The following PRMT3 variants were observed in gnomAD, a reference collection of about 807,000 sequenced individuals.
PRMT3 encodes protein arginine methyltransferase 3.
A neutral mutation model predicts 71.9 loss-of-function variants in PRMT3; 62 were observed. The observed-to-expected ratio is 0.86, with a 90% CI of 0.70 to 1.07. The LOEUF (loss-of-function observed/expected upper bound fraction) is 1.07. PRMT3 is among the 50% of genes least tolerant of loss of function. The pLI, the probability that PRMT3 is intolerant of heterozygous loss-of-function variation, is 0.00. For missense variants in PRMT3, 663 were observed against 643.0 expected, an observed-to-expected ratio of 1.03 and a Z score of -0.34; for synonymous variants, 213 against 220.4, an observed-to-expected ratio of 0.97 and a Z score of 0.30.
intron 15 of PRMT3, among the ~76,000 whole-genome samples, chr11:20,507,401 C>G (rs1851615811): frequency 6.6e-6 from 1 of 152,180 alleles, no homozygotes; most frequent in Non-Finnish European, 1.5e-5. Context: ...TCCATTGACC[C>G]TTTATGACCA....
chr11:20,412,873 A>T (rs1386636129), intron 9 of PRMT3, among the ~76,000 whole-genome samples: 2 of 152,068 alleles, frequency 1.3e-5, no homozygotes, highest in Non-Finnish European at 2.9e-5. Context: ...ATCACTTGAG[A>T]CTAGGAGTTG....
chr11:20,501,309 T>C (rs1851452541), intron 15 of PRMT3, among the ~76,000 whole-genome samples: 2 of 152,120 alleles, frequency 1.3e-5, no homozygotes, highest in African/African-American at 4.8e-5. Flanking sequence ...GTATTTGACA[T>C]ACTGTGCTGA....
At chr11:20,424,353 G>A (rs956451191) in intron 9 of PRMT3, among the ~76,000 whole-genome samples, 2 of 152,122 alleles carry the variant, frequency 1.3e-5, no homozygotes, top group African/African-American at 4.8e-5. Context: ...TCTAAATTTG[G>A]GGGCAGAATT....
At chr11:20,470,682 A>C (rs1290109026) in intron 13 of PRMT3, among the ~76,000 whole-genome samples, 1 of 152,162 alleles carries the variant, frequency 6.6e-6, no homozygotes, top group African/African-American at 2.4e-5. Context: ...TGCCATCATG[A>C]ATAGTGCTGC....
intron 10 of PRMT3, among the ~76,000 whole-genome samples, chr11:20,438,608 C>T (rs1430047877): frequency 1.3e-5 from 2 of 152,070 alleles, no homozygotes; most frequent in African/African-American, 4.8e-5. Context: ...ATCAGCTCAG[C>T]CCTGGGATGC....
At chr11:20,436,390 C>T (rs1849761665) in intron 10 of PRMT3, among the ~76,000 whole-genome samples, 1 of 152,154 alleles carries the variant, frequency 6.6e-6, no homozygotes. Flanking sequence ...ATGGTTTGAA[C>T]TTGTCCCCAT....
chr11:20,486,108 C>T (rs2133442239), intron 13 of PRMT3, among the ~76,000 whole-genome samples: 1 of 152,246 alleles, frequency 6.6e-6, no homozygotes, highest in African/African-American at 2.4e-5. Context: ...CACAAAAGAC[C>T]ATCTCTTATA....
intron 10 of PRMT3, among the ~76,000 whole-genome samples, chr11:20,446,434 A>G (rs12099022): frequency 0.059 from 8,891 of 151,808 alleles, 801 homozygotes; most frequent in African/African-American, 0.2. Flanking sequence ...GCTGGCCAAT[A>G]TCTTTTCAGA....
intron 11 of PRMT3, among the ~76,000 whole-genome samples, chr11:20,460,312 T>C (rs1431256535): frequency 1.3e-5 from 2 of 152,232 alleles, no homozygotes; most frequent in Admixed American, 6.5e-5. Flanking sequence ...TTTGCTGATA[T>C]GGGAACATGT....
In PRMT3 at chr11:20,403,007, T is replaced by G. The variant is rs1186261402; in HGVS notation, c.771+23T>G. On this transcript the variant is annotated intron_variant, in intron 8 of 15. Transcript: ENST00000331079. Reference sequence around the variant, plus strand: ...AAGGTAAGTAGTATAGGTTATAGAATTATACATTTCATCTTGTTCTTGGGC... The same window carrying G: ...AAGGTAAGTAGTATAGGTTATAGAAGTATACATTTCATCTTGTTCTTGGGC... The G allele has an allele frequency of 2.0e-6, 3 of 1,511,014 alleles. No individual in the cohort carries two copies. In the South Asian group the frequency reaches 3.4e-5, roughly 17 times the overall value. The allele number at this position is 1,511,014 out of a possible 1,614,324, so 93.6% of individuals were successfully genotyped here.
intron 11 of PRMT3, among the ~76,000 whole-genome samples, chr11:20,455,350 T>C (rs1469409258): frequency 6.6e-6 from 1 of 152,172 alleles, no homozygotes; most frequent in Non-Finnish European, 1.5e-5. Context: ...TATTTAAAGC[T>C]GATGGATCAA....
chr11:20,503,849 G>A (rs1398717594), intron 15 of PRMT3, among the ~76,000 whole-genome samples: 3 of 152,142 alleles, frequency 2.0e-5, no homozygotes, highest in African/African-American at 7.2e-5. Context: ...GTACCTAGAA[G>A]TGGAATTACT....
intron 10 of PRMT3, among the ~76,000 whole-genome samples, chr11:20,433,108 A>C (rs1319250388): frequency 6.6e-6 from 1 of 151,758 alleles, no homozygotes; most frequent in Non-Finnish European, 1.5e-5. Flanking sequence ...TTAGGTAATA[A>C]CTTGTGCCAT....
At position 20,397,567 on chromosome 11, in the gene PRMT3, T is replaced by A. The variant is rs1848853237; in HGVS notation, c.561-10T>A. On this transcript the variant is annotated splice_polypyrimidine_tract_variant and intron_variant, in intron 6 of 15. Transcript: ENST00000331079. ...ACCTGTCTCAAGGGTGTATTTCAAA[T>A]TGATTACAGACAATTTGCTCAGGAT... 1 of 1,613,848 alleles carries A rather than the reference T, an allele frequency of 6.2e-7. No homozygotes were observed. The highest frequency in any genetic ancestry group is 8.5e-7 in the Non-Finnish European group (1 of 1,179,854).
chr11:20,481,521 G>A (rs891949391), intron 13 of PRMT3, among the ~76,000 whole-genome samples: 1 of 152,058 alleles, frequency 6.6e-6, no homozygotes, highest in South Asian at 2.1e-4. Context: ...ATGGTGATTT[G>A]TACCATTGCT....
At chr11:20,476,994 C>G (rs1850805661) in intron 13 of PRMT3, among the ~76,000 whole-genome samples, 6 of 152,126 alleles carry the variant, frequency 3.9e-5, no homozygotes, top group Admixed American at 3.9e-4. Flanking sequence ...TCCTAGCTAG[C>G]TAGCGGGAGG....
intron 9 of PRMT3, among the ~76,000 whole-genome samples, chr11:20,424,839 G>A (rs1849509436): frequency 6.6e-6 from 1 of 152,108 alleles, no homozygotes. Context: ...AATACAACTG[G>A]GCTAAGTGTG....
At chr11:20,422,312 A>G (rs1248498010) in intron 9 of PRMT3, among the ~76,000 whole-genome samples, 1 of 152,136 alleles carries the variant, frequency 6.6e-6, no homozygotes, top group Non-Finnish European at 1.5e-5. Context: ...GAATACTCTC[A>G]GAACATAGTA....
chr11:20,475,046 G>C (rs1037482340), intron 13 of PRMT3, among the ~76,000 whole-genome samples: 1 of 152,164 alleles, frequency 6.6e-6, no homozygotes, highest in Admixed American at 6.5e-5. Flanking sequence ...GGGGTAGGCT[G>C]CAAGCTGGGA....
Sources: allele counts gnomAD v4.1 joint callset (sites outside exome capture counted in the v4.1 genomes callset), GRCh38; gene constraint gnomAD v4.1.1; transcripts MANE v1.5; gene names NCBI Gene and HGNC (gene_info 2026-07-23, HGNC 2026-07-21).